FGF7: variants seen among roughly 807,000 people sequenced by gnomAD.
FGF7 encodes FGF-7.
Under a neutral mutation model 20.5 loss-of-function variants are expected in FGF7, and 6 were observed. The ratio of observed to expected loss-of-function variants is 0.29; its 90% CI spans 0.16 to 0.58. FGF7 has a LOEUF of 0.58. FGF7 is among the 20% of genes least tolerant of loss of function. The pLI, the probability that FGF7 is intolerant of heterozygous loss-of-function variation, is 0.90. For missense variants in FGF7, 144 were observed against 228.8 expected, an observed-to-expected ratio of 0.63 and a Z score of 2.39; for synonymous variants, 64 against 74.7, an observed-to-expected ratio of 0.86 and a Z score of 0.74.
chr15:49,457,655 A>G (rs2053431986), intron 2 of FGF7, among the ~76,000 whole-genome samples: 1 of 151,982 alleles, frequency 6.6e-6, no homozygotes, highest in African/African-American at 2.4e-5. Flanking sequence ...TTAGAGCAGA[A>G]TCTTTGAAGT....
chr15:49,454,121 A>G (rs1328947554), intron 2 of FGF7, among the ~76,000 whole-genome samples: 1 of 152,180 alleles, frequency 6.6e-6, no homozygotes, highest in African/African-American at 2.4e-5. Flanking sequence ...TTAATGTACA[A>G]CATAGATGGG....
chr15:49,483,380 A>G, intron 3 of FGF7, 126 bp downstream of exon 3: 1 of 588,660 alleles, frequency 1.7e-6, no homozygotes, highest in South Asian at 2.1e-5. Flanking sequence ...TTTTATTAAA[A>G]CACTTTATAC....
Position 49,468,557 on chromosome 15 carries a change from G to GT in FGF7, c.287-14587dup, listed in dbSNP as rs1002999177. 3.3e-5 allele frequency among the ~76,000 whole-genome samples: 5 copies of GT among 152,092 alleles called. 1 individual carries two copies. The highest frequency in any genetic ancestry group is 5.9e-5 in the Non-Finnish European group (4 of 68,006). The stretch of plus-strand genomic sequence containing the variant: ...TATTATCAACCATATGTATCATTGT[G>GT]TTTTTTTACAATAGTGGACTTCAGG... On this transcript the variant is annotated intron_variant, in intron 2 of 3. Transcript: ENST00000267843.
At chr15:49,438,181 T>C (rs926786182) in intron 2 of FGF7, among the ~76,000 whole-genome samples, 1 of 151,662 alleles carries the variant, frequency 6.6e-6, no homozygotes, top group Non-Finnish European at 1.5e-5. Flanking sequence ...TTTTAGGGAA[T>C]ATGAAGCTTT....
intron 2 of FGF7, among the ~76,000 whole-genome samples, chr15:49,455,056 T>C (rs1178225027): frequency 1.3e-5 from 2 of 152,166 alleles, no homozygotes; most frequent in African/African-American, 2.4e-5. Flanking sequence ...GGGGATCACC[T>C]GTATTAGGAT....
intron 2 of FGF7, among the ~76,000 whole-genome samples, chr15:49,433,707 G>A (rs1254326432): frequency 6.6e-6 from 1 of 151,630 alleles, no homozygotes; most frequent in Non-Finnish European, 1.5e-5. Context: ...GTTACCACTG[G>A]TGACACTGGA....
intron 2 of FGF7, among the ~76,000 whole-genome samples, chr15:49,450,932 C>T (rs968890332): frequency 1.1e-4 from 16 of 152,134 alleles, no homozygotes; most frequent in African/African-American, 3.6e-4. Flanking sequence ...AGTATAGCTA[C>T]AGCTAATCAA....
chr15:49,462,118 C>CA (rs889065102), intron 2 of FGF7, among the ~76,000 whole-genome samples: 36 of 146,148 alleles, frequency 2.5e-4, no homozygotes, highest in Admixed American at 5.4e-4. Flanking sequence ...GACTCCATCT[C>CA]AAAAAAAAAA....
intron 3 of FGF7, 105 bp downstream of exon 3, chr15:49,483,359 T>A: frequency 1.6e-6 from 1 of 623,556 alleles, no homozygotes; most frequent in Non-Finnish European, 2.8e-6. Context: ...TCCAACTGTA[T>A]AATTTAATGA....
intron 2 of FGF7, among the ~76,000 whole-genome samples, chr15:49,454,077 C>G (rs1449450088): frequency 6.6e-6 from 1 of 152,132 alleles, no homozygotes; most frequent in Admixed American, 6.6e-5. Context: ...ATGTGTCAGA[C>G]AGGCGTAGGT....
At chr15:49,451,182 T>C (rs2052697510) in intron 2 of FGF7, among the ~76,000 whole-genome samples, 1 of 152,126 alleles carries the variant, frequency 6.6e-6, no homozygotes, top group Non-Finnish European at 1.5e-5. Flanking sequence ...GATACTTACA[T>C]ATAAAATAAA....
intron 2 of FGF7, among the ~76,000 whole-genome samples, chr15:49,475,313 T>G (rs1021553924): frequency 1.3e-5 from 2 of 152,180 alleles, no homozygotes; most frequent in African/African-American, 4.8e-5. Context: ...GAAGTTAGGA[T>G]GCAAAAGTTA....
chr15:49,425,299 T>C lies in FGF7; in HGVS notation c.286+716T>C, dbSNP rs557332010. ...TGGGCTGGAAGAGATGGTAATTCCA[T>C]GTTTTTCAATTTAAAGCCTTACATT... On this transcript the variant is annotated intron_variant, in intron 2 of 3. Coordinates refer to ENST00000267843, the MANE Select transcript of FGF7 (RefSeq NM_002009.4). 5.9e-5 allele frequency: 9 copies of C among 152,134 alleles called. No homozygotes were observed. The East Asian group carries it at 1.7e-3, about 29-fold the overall frequency. The allele number at this position is 152,134 out of a possible 1,614,324, so 9.4% of individuals were successfully genotyped here.
chr15:49,446,887 A>G (rs144772170), intron 2 of FGF7, among the ~76,000 whole-genome samples: 5 of 151,572 alleles, frequency 3.3e-5, no homozygotes, highest in Admixed American at 1.3e-4. Flanking sequence ...AGTGCTCACT[A>G]AAGAGAAGGA....
chr15:49,450,872 A>G (rs4389093), intron 2 of FGF7, among the ~76,000 whole-genome samples: 41,494 of 152,050 alleles, frequency 0.27, 6,915 homozygotes, highest in Non-Finnish European at 0.38. Flanking sequence ...ATTCTTTTCC[A>G]CATGTGGGCT....
intron 2 of FGF7, among the ~76,000 whole-genome samples, chr15:49,450,859 G>A (rs1449321625): frequency 3.9e-5 from 6 of 152,090 alleles, no homozygotes; most frequent in Non-Finnish European, 7.4e-5. Context: ...AAGCTGCCCA[G>A]TTATTCTTTT....
intron 2 of FGF7, chr15:49,425,450 T>C (rs1337121933): frequency 6.6e-6 from 1 of 152,066 alleles, no homozygotes; most frequent in Non-Finnish European, 1.5e-5. Flanking sequence ...CACCTCAACA[T>C]GTACATTAAG....
chr15:49,476,232 G>GTTTTTT, intron 2 of FGF7, among the ~76,000 whole-genome samples: 739 of 56,728 alleles, frequency 0.013, 50 homozygotes, highest in Non-Finnish European at 0.018. Flanking sequence ...TTTGTTTTTG[G>GTTTTTT]TTTTTTTTTT....
chr15:49,464,780 A>G (rs1480800779), intron 2 of FGF7, among the ~76,000 whole-genome samples: 1 of 152,198 alleles, frequency 6.6e-6, no homozygotes, highest in East Asian at 1.9e-4. Context: ...CCGTGTAAAC[A>G]GTGTGGTGCA....
Sources: gnomAD v4.1 joint callset for allele counts (sites outside exome capture counted in the v4.1 genomes callset) on GRCh38, gnomAD v4.1.1 for gene constraint, MANE v1.5 for transcripts, NCBI Gene and HGNC (gene_info 2026-07-23, HGNC 2026-07-21) for gene names.